The following ITGB8 variants were observed in gnomAD, a reference collection of about 807,000 sequenced individuals.
ITGB8 encodes integrin beta-8.
ITGB8 carries 30 observed loss-of-function variants against 89.5 expected under a neutral mutation model. The ratio of observed to expected loss-of-function variants is 0.34; its 90% CI spans 0.25 to 0.45. The LOEUF (loss-of-function observed/expected upper bound fraction) is 0.45, where lower values mean the gene tolerates loss of function less well. Among genes scored for constraint, ITGB8 ranks in the 20% least tolerant of loss-of-function variants. The pLI is 1.00. For synonymous variants in ITGB8, 335 were observed against 320.4 expected, an observed-to-expected ratio of 1.05 and a Z score of -0.49; for missense variants, 836 against 933.3, an observed-to-expected ratio of 0.90 and a Z score of 1.36.
intron 6 of ITGB8, 111 bp from the exon 7 acceptor site, chr7:20,391,292 C>T: frequency 2.1e-6 from 1 of 477,792 alleles, no homozygotes; most frequent in South Asian, 6.3e-5. Context: ...AAACCATAGT[C>T]CTTCCCAGGT....
At chr7:20,330,471 A>G (rs2128121815), upstream of ITGB8, among the ~76,000 whole-genome samples, 1 of 152,008 alleles carries the variant, frequency 6.6e-6, no homozygotes, top group Non-Finnish European at 1.5e-5. Context: ...CACCCCCGCG[A>G]GCGTTGGGGT....
chr7:20,348,476 T>C (rs1209794385), intron 1 of ITGB8, among the ~76,000 whole-genome samples: 1 of 152,252 alleles, frequency 6.6e-6, no homozygotes, highest in Non-Finnish European at 1.5e-5. Flanking sequence ...GAATTTGTTA[T>C]TTATTCTGCT....
At chr7:20,338,768 C>A (rs542556922) in intron 1 of ITGB8, among the ~76,000 whole-genome samples, 2 of 152,228 alleles carry the variant, frequency 1.3e-5, no homozygotes, top group South Asian at 2.1e-4. Context: ...ATAACTAAAT[C>A]CCTTTTGGTA....
intron 12 of ITGB8, among the ~76,000 whole-genome samples, chr7:20,408,181 G>C (rs762422041): frequency 3.9e-5 from 6 of 152,120 alleles, no homozygotes; most frequent in Non-Finnish European, 5.9e-5. Context: ...ATGACAGTCT[G>C]TCAGAACAAA....
rs1284921143 is a variant in ITGB8 at position 20,331,806 on chromosome 7, T to G, written c.-1T>G. The stretch of plus-strand genomic sequence containing the variant: ...GGGCGCGGGGCGGGCTGTTTTGCAT[T>G]ATGTGCGGCTCGGCCCTGGCTTTTT... On this transcript the variant is annotated 5_prime_UTR_variant, in exon 1 of 14. The change creates a new upstream start codon in the 5' untranslated region. Transcript: ENST00000222573. 3 of 1,612,394 alleles carry G rather than the reference T, an allele frequency of 1.9e-6. No homozygotes were observed. Among genetic ancestry groups the G allele is most frequent in the Admixed American group, 3.3e-5 (2 of 59,996 alleles).
At chr7:20,361,857 A>C (rs1253560142) in intron 1 of ITGB8, among the ~76,000 whole-genome samples, 2 of 152,208 alleles carry the variant, frequency 1.3e-5, no homozygotes, top group Non-Finnish European at 2.9e-5. Flanking sequence ...GAAGCACAAA[A>C]TATTAGAGTT....
intron 4 of ITGB8, 60 bp from the exon 5 acceptor site, chr7:20,380,606 G>C: frequency 7.4e-7 from 1 of 1,354,808 alleles, no homozygotes; most frequent in South Asian, 1.2e-5. Context: ...TTACTGTTAA[G>C]TATTCCAGAA....
rs1370203118 is a variant in ITGB8, at chr7:20,414,956, CTTCAGTTAAAA to C, written c.*4962_*4972del. On this transcript the variant is annotated 3_prime_UTR_variant, in exon 14 of 14. Transcript: ENST00000222573. ...TCAGGTTTCTAGCCTCTACAACCTA[CTTCAGTTAAAA>C]TTGTCTAATACAGCAATATTTAAAA... The C allele has an allele frequency of 1.3e-5, 2 of 150,702 alleles. No individual in the cohort carries two copies. Among genetic ancestry groups the C allele is most frequent in the Admixed American group, 1.3e-4 (2 of 14,858 alleles). The allele number at this position is 150,702 out of a possible 1,614,324, so 9.3% of individuals were successfully genotyped here.
chr7:20,377,595 G>A (rs914530290), intron 3 of ITGB8, among the ~76,000 whole-genome samples: 1 of 152,204 alleles, frequency 6.6e-6, no homozygotes, highest in African/African-American at 2.4e-5. Context: ...TCTGTCAACA[G>A]AAGCCCAAAA....
intron 8 of ITGB8, 120 bp from the exon 9 acceptor site, chr7:20,398,740 G>A (rs757390057): frequency 3.3e-6 from 2 of 607,732 alleles, no homozygotes; most frequent in Non-Finnish European, 5.1e-6. Context: ...TCCTTTTATA[G>A]AAACAGACTC....
chr7:20,403,399 G>A lies in ITGB8; in HGVS notation c.1688-1229G>A, dbSNP rs141994917. ...CAGTCTCTGTTTGCAGTGAAATATC[G>A]AATGTACTAGCTTTTCTATATGAGT... On this transcript the variant is annotated intron_variant, in intron 10 of 13. Coordinates refer to ENST00000222573, the MANE Select transcript of ITGB8 (RefSeq NM_002214.3). 2.4e-3 allele frequency among the ~76,000 whole-genome samples: 358 copies of A among 152,246 alleles called. 1 individual carries two copies. Among genetic ancestry groups the A allele is most frequent in the African/African-American group, 8.2e-3 (342 of 41,532 alleles).
intron 6 of ITGB8, among the ~76,000 whole-genome samples, chr7:20,384,163 A>G (rs954234027): frequency 6.6e-6 from 1 of 152,156 alleles, no homozygotes; most frequent in African/African-American, 2.4e-5. Context: ...AATGACCTCT[A>G]TCCTCCCCTA....
intron 3 of ITGB8, among the ~76,000 whole-genome samples, chr7:20,370,592 T>C (rs1374324607): frequency 1.2e-4 from 15 of 127,380 alleles, no homozygotes; most frequent in South Asian, 2.5e-4. Context: ...TATTTATTTA[T>C]TTACTTATTT....
chr7:20,404,934 G>C, intron 11 of ITGB8, 81 bp downstream of exon 11: 1 of 1,193,618 alleles, frequency 8.4e-7, no homozygotes, highest in Non-Finnish European at 1.2e-6. Context: ...AATCTTAAAC[G>C]TTGCCAGATA....
chr7:20,395,315 C>T (rs1787026012), intron 8 of ITGB8, among the ~76,000 whole-genome samples: 1 of 152,162 alleles, frequency 6.6e-6, no homozygotes, highest in African/African-American at 2.4e-5. Flanking sequence ...TGCGTCATTT[C>T]CTATGCCGTA....
chr7:20,351,699 T>G (rs1400054234), intron 1 of ITGB8, among the ~76,000 whole-genome samples: 1 of 152,220 alleles, frequency 6.6e-6, no homozygotes, highest in Non-Finnish European at 1.5e-5. Flanking sequence ...CGGTGTTTGT[T>G]TTTTACTTAG....
chr7:20,378,850 G>A (rs1786259555), intron 3 of ITGB8, among the ~76,000 whole-genome samples: 1 of 151,838 alleles, frequency 6.6e-6, no homozygotes, highest in South Asian at 2.1e-4. Flanking sequence ...CCAATAAATT[G>A]GTATGGTTTT....
intron 1 of ITGB8, among the ~76,000 whole-genome samples, chr7:20,336,048 C>T (rs990203576): frequency 2.7e-5 from 4 of 147,432 alleles, no homozygotes; most frequent in African/African-American, 1.0e-4. Flanking sequence ...CTCTGTCGCC[C>T]AGGCTGGAGT....
At chr7:20,336,938 G>A (rs1199041322) in intron 1 of ITGB8, among the ~76,000 whole-genome samples, 1 of 152,206 alleles carries the variant, frequency 6.6e-6, no homozygotes, top group Non-Finnish European at 1.5e-5. Context: ...AGCCTCACTA[G>A]AATTTGAACT....
Sources: allele counts gnomAD v4.1 joint callset (sites outside exome capture counted in the v4.1 genomes callset), GRCh38; gene constraint gnomAD v4.1.1; transcripts MANE v1.5; gene names NCBI Gene and HGNC (gene_info 2026-07-23, HGNC 2026-07-21).